Variants in EDA observed in about 807,000 individuals in gnomAD.
EDA encodes the protein ectodysplasin A.
EDA carries 2 observed loss-of-function variants against 23.6 expected under a neutral mutation model. The observed-to-expected ratio is 0.08, with a 90% CI of 0.03 to 0.27. The LOEUF (loss-of-function observed/expected upper bound fraction) is 0.27. Ranked by LOEUF, EDA falls within the 10% of genes least tolerant of loss-of-function variation. The pLI, the probability that EDA is intolerant of heterozygous loss-of-function variation, is 1.00. For synonymous variants in EDA, 131 were observed against 132.0 expected (o/e 0.99, Z 0.05); for missense variants, 229 against 324.2 (o/e 0.71, Z 2.26).
intron 1 of EDA, among the ~76,000 whole-genome samples, chrX:69,753,762 C>A (rs781203469): frequency 7.2e-5 from 8 of 111,443 alleles, no homozygotes; most frequent in South Asian, 3.8e-4. Context: ...GTGCTCCTGT[C>A]TTGGGTGCAT....
At chrX:69,645,694 G>A (rs1245733201) in intron 1 of EDA, among the ~76,000 whole-genome samples, 1 of 105,239 alleles carries the variant, frequency 9.5e-6, no homozygotes, top group Non-Finnish European at 1.9e-5. Flanking sequence ...TGTTACATAT[G>A]TATACATGTG....
chrX:69,658,703 A>C (rs1381553498), intron 1 of EDA, among the ~76,000 whole-genome samples: 3 of 111,417 alleles, frequency 2.7e-5, no homozygotes, highest in African/African-American at 3.3e-5. Flanking sequence ...TTCTGATTCT[A>C]TCTCTCCCTC....
chrX:69,895,395 TACACACAC>T lies in EDA; in HGVS notation c.397-61599_397-61592del, dbSNP rs200298403. 2.6e-3 allele frequency among the ~76,000 whole-genome samples: 222 copies of T among 86,153 alleles called. 1 individual carries two copies. Among genetic ancestry groups the T allele is most frequent in the East Asian group, 0.012 (34 of 2,852 alleles). 74.8% of individuals were successfully genotyped at this position (86,153 alleles called of 115,157 possible). On this transcript the variant is annotated intron_variant, in intron 1 of 7. Transcript: ENST00000374552. ...CCCTTCTTTGCAGCCTTTCTCAACC[TACACACAC>T]ACACACACACACACACACACACACA...
rs765092590 is a variant in EDA at position 69,647,489 on chromosome X, A to C, written c.396+30785A>C. Among the ~76,000 whole-genome samples, 10 of 111,372 alleles carry C rather than the reference A, an allele frequency of 9.0e-5. No homozygotes were observed. In the East Asian group the frequency reaches 2.5e-3, roughly 28 times the overall value. Reference sequence around the variant, plus strand: ...CCTCTTGGTATATTCTGTTATTGCTACTTGTGATTGCATTGTGAAGTTCTC... The same window carrying C: ...CCTCTTGGTATATTCTGTTATTGCTCCTTGTGATTGCATTGTGAAGTTCTC... On this transcript the variant is annotated intron_variant, in intron 1 of 7. Transcript: ENST00000374552.
At chrX:69,789,423 T>C (rs575092400) in intron 1 of EDA, among the ~76,000 whole-genome samples, 2 of 112,330 alleles carry the variant, frequency 1.8e-5, no homozygotes, top group East Asian at 2.8e-4. Flanking sequence ...ATTTATGAAA[T>C]CAGCGGAGAT....
chrX:69,765,456 G>A (rs1287572856), intron 1 of EDA, among the ~76,000 whole-genome samples: 1 of 111,556 alleles, frequency 9.0e-6, no homozygotes, highest in African/African-American at 3.3e-5. Flanking sequence ...TAGTGGTTTT[G>A]TCTTCCTATT....
intron 1 of EDA, among the ~76,000 whole-genome samples, chrX:69,713,238 A>T (rs935305301): frequency 6.2e-5 from 7 of 112,431 alleles, no homozygotes. Flanking sequence ...TTGTAGATTC[A>T]CAGCAATTTT....
At chrX:69,755,124 G>A (rs889592424) in intron 1 of EDA, among the ~76,000 whole-genome samples, 2 of 112,074 alleles carry the variant, frequency 1.8e-5, no homozygotes, top group African/African-American at 3.2e-5. Flanking sequence ...TTCCTTTGGA[G>A]GAGAAGAGGC....
chrX:69,820,300 A>C (rs1005595334), intron 1 of EDA, among the ~76,000 whole-genome samples: 4 of 112,138 alleles, frequency 3.6e-5, no homozygotes, highest in African/African-American at 1.3e-4. Context: ...CCCAGAAGAA[A>C]ATCTAGGCTG....
chrX:69,727,580 C>A (rs1414245443), intron 1 of EDA, among the ~76,000 whole-genome samples: 1 of 112,120 alleles, frequency 8.9e-6, no homozygotes, highest in East Asian at 2.8e-4. Flanking sequence ...AATCACCTTC[C>A]AAAGGCCCTA....
chrX:69,943,759 G>A (rs758052475), intron 1 of EDA, among the ~76,000 whole-genome samples: 227 of 109,470 alleles, frequency 2.1e-3, no homozygotes, highest in Admixed American at 5.0e-3. Context: ...TTCCATTCAG[G>A]GTGGCAAGTC....
chrX:69,787,307 GT>G (rs1323469491), intron 1 of EDA, among the ~76,000 whole-genome samples: 1 of 100,027 alleles, frequency 1.0e-5, no homozygotes, highest in Non-Finnish European at 2.1e-5. Context: ...AGTTAATATT[GT>G]TATGTGTGAA....
chrX:69,970,024 T>G (rs2019227364), intron 2 of EDA, among the ~76,000 whole-genome samples: 1 of 111,389 alleles, frequency 9.0e-6, no homozygotes, highest in Non-Finnish European at 1.9e-5. Flanking sequence ...GAGGATCACT[T>G]GAGCCCAGGA....
intron 1 of EDA, among the ~76,000 whole-genome samples, chrX:69,884,630 G>T (rs982281991): frequency 1.8e-5 from 2 of 111,836 alleles, no homozygotes; most frequent in Non-Finnish European, 3.8e-5. Context: ...CATTTTTAAG[G>T]TTTATCCAGG....
intron 1 of EDA, among the ~76,000 whole-genome samples, chrX:69,715,985 T>A (rs143166833): frequency 0.013 from 1,450 of 112,194 alleles, 12 homozygotes; most frequent in Non-Finnish European, 0.02. Context: ...CTTTGTCAGA[T>A]GCATAGTTTA....
At chrX:69,783,766 C>G (rs1184354820) in intron 1 of EDA, among the ~76,000 whole-genome samples, 1 of 110,260 alleles carries the variant, frequency 9.1e-6, no homozygotes, top group Non-Finnish European at 1.9e-5. Context: ...GTGCATGTGT[C>G]TTTATAGCAG....
chrX:69,929,262 G>C (rs1308933601), intron 1 of EDA, among the ~76,000 whole-genome samples: 10 of 111,025 alleles, frequency 9.0e-5, no homozygotes, highest in Non-Finnish European at 1.9e-4. Context: ...GGCTCTGCAT[G>C]GTCCAAGTTC....
At chrX:69,750,310 A>T (rs1327301016) in intron 1 of EDA, among the ~76,000 whole-genome samples, 1 of 107,487 alleles carries the variant, frequency 9.3e-6, no homozygotes, top group African/African-American at 3.4e-5. Context: ...GCCCAGAATG[A>T]TGGTTTCCAG....
At chrX:69,979,860 T>TGCA (rs1432541795) in intron 2 of EDA, among the ~76,000 whole-genome samples, 1 of 112,019 alleles carries the variant, frequency 8.9e-6, no homozygotes, top group Non-Finnish European at 1.9e-5. Flanking sequence ...TGGTTTCATT[T>TGCA]GCAGCACAGA....
Sources: gnomAD v4.1 joint callset for allele counts (sites outside exome capture counted in the v4.1 genomes callset) on GRCh38, gnomAD v4.1.1 for gene constraint, MANE v1.5 for transcripts, NCBI Gene and HGNC (gene_info 2026-07-23, HGNC 2026-07-21) for gene names.